SKOR2: variants seen among roughly 807,000 people sequenced by gnomAD.
SKOR2 encodes the protein SKI family transcriptional corepressor 2.
Under a neutral mutation model 69.1 loss-of-function variants are expected in SKOR2, and 47 were observed. That is an observed-to-expected ratio of 0.68 (90% CI 0.54 to 0.87). The LOEUF (loss-of-function observed/expected upper bound fraction) is 0.87, where lower values mean the gene tolerates loss of function less well. Ranked by LOEUF, SKOR2 falls within the 40% of genes least tolerant of loss-of-function variation. SKOR2 has a pLI of 0.00. For synonymous variants in SKOR2, 717 were observed against 672.6 expected (o/e 1.07, Z -1.02); for missense variants, 1,404 against 1,472.2 (o/e 0.95, Z 0.76).
intron 8 of SKOR2, among the ~76,000 whole-genome samples, chr18:47,211,740 G>A (rs571774824): frequency 1.3e-5 from 2 of 152,338 alleles, no homozygotes; most frequent in East Asian, 3.9e-4. Flanking sequence ...ACAGAGATGA[G>A]ACACCCTGAG....
intron 4 of SKOR2, among the ~76,000 whole-genome samples, chr18:47,232,997 G>A (rs2064205899): frequency 6.6e-6 from 1 of 152,088 alleles, no homozygotes; most frequent in Admixed American, 6.6e-5. Flanking sequence ...ATTATCAATG[G>A]CAATTCAAGT....
At chr18:47,231,162 C>A in intron 4 of SKOR2, 162 bp from the exon 5 acceptor site, 1 of 1,536,018 alleles carries the variant, frequency 6.5e-7, no homozygotes, top group Non-Finnish European at 8.7e-7. Flanking sequence ...GCATATAATC[C>A]TCCTGAAACA....
At chr18:47,215,118 T>C (rs1196212590) in intron 7 of SKOR2, among the ~76,000 whole-genome samples, 4 of 152,148 alleles carry the variant, frequency 2.6e-5, no homozygotes, top group African/African-American at 9.7e-5. Context: ...AAGGAACAAC[T>C]GATTGCACTG....
At chr18:47,249,810 C>T (rs1366850748) in intron 1 of SKOR2, among the ~76,000 whole-genome samples, 2 of 152,172 alleles carry the variant, frequency 1.3e-5, no homozygotes, top group African/African-American at 2.4e-5. Context: ...TTCTCCCTCA[C>T]CCTTGCCATT....
chr18:47,230,659 A>G, intron 5 of SKOR2, 102 bp from the exon 6 acceptor site: 1 of 785,628 alleles, frequency 1.3e-6, no homozygotes, highest in Non-Finnish European at 1.8e-6. Flanking sequence ...ATATTTTACC[A>G]GTTTAAAAAG....
At position 47,244,942 on chromosome 18, in the gene SKOR2, A is replaced by T. The variant is rs1194631490; in HGVS notation, c.2718T>A (p.Asp906Glu). 2 of 1,535,930 alleles carry T rather than the reference A, an allele frequency of 1.3e-6. No homozygotes were observed. Among genetic ancestry groups the T allele is most frequent in the Admixed American group, 3.9e-5 (2 of 50,980 alleles). The change falls in exon 4 of 9, where the codon GAT (aspartate) becomes GAA (glutamate). Residue 906 changes from aspartate to glutamate, a missense_variant. This residue lies in a region of SKOR2 where 1,266 missense variants were observed against 1,309.9 expected (regional missense o/e 0.97). Transcript: ENST00000425639. ...CTCTCCAAAAATCTCCTCCAGAAGC[A>T]TCAGAGTCTGTGATGAAAAAGCTAT... The part of the protein sequence containing the change: ...KEHSFFITDS[D>E]ASGGDFWRER...
rs780337813 is a variant in SKOR2 at position 47,246,699 on chromosome 18, G to C, written c.2485C>G (p.Pro829Ala). The change falls in exon 2 of 9, where the codon CCC becomes GCC. Residue 829 changes from proline (P) to alanine (A), a missense_variant. Around this residue, in one of 3 missense-constraint regions of SKOR2, gnomAD observed 1,266 missense variants for 1,309.9 expected, o/e 0.97. Coordinates refer to ENST00000425639, the MANE Select transcript of SKOR2 (RefSeq NM_001278063.4). ...GGGGGCGGGGGCAGGTCCGAGCCGG[G>C]GTCCCCGAGTTTCCCGTCTTCCTGC... ...LLQEDGKLGD[P>A]GSDLPPPPPP... 9 of 1,460,922 alleles carry C rather than the reference G, an allele frequency of 6.2e-6. No individual in the cohort carries two copies. The South Asian group carries it at 8.1e-5, about 13-fold the overall frequency. The allele number at this position is 1,460,922 out of a possible 1,614,324, so 90.5% of individuals were successfully genotyped here. A position where few individuals can be genotyped will look rare whatever the true frequency, so the allele number is the denominator to read the frequency against.
intron 4 of SKOR2, 113 bp from the exon 5 acceptor site, chr18:47,231,113 T>A: frequency 6.5e-7 from 1 of 1,535,834 alleles, no homozygotes; most frequent in African/African-American, 1.4e-5. Flanking sequence ...TAACCTGAAA[T>A]TGGAAGTCCT....
chr18:47,242,054 T>A (rs1029370026), intron 4 of SKOR2, among the ~76,000 whole-genome samples: 1 of 152,194 alleles, frequency 6.6e-6, no homozygotes, highest in Non-Finnish European at 1.5e-5. Flanking sequence ...CTTTTAGCAT[T>A]TATATTTCCA....
chr18:47,227,615 G>T (rs2064183276), intron 6 of SKOR2, among the ~76,000 whole-genome samples: 1 of 152,178 alleles, frequency 6.6e-6, no homozygotes, highest in South Asian at 2.1e-4. Flanking sequence ...ACAGGCGTAA[G>T]CCACTGTGCC....
rs73426039 is a variant in SKOR2 at position 47,246,253 on chromosome 18, G to C, written c.2613+318C>G. On this transcript the variant is annotated intron_variant, in intron 2 of 8. Transcript: ENST00000425639. ...GGGGAACAAATGTGCTCAGTTGGAG[G>C]GCAAAGGGGATTGTTGGATTAGAGG... 3.7e-3 allele frequency among the ~76,000 whole-genome samples: 558 copies of C among 152,236 alleles called. 3 individuals carry two copies. The highest frequency in any genetic ancestry group is 0.013 in the African/African-American group (532 of 41,540).
intron 1 of SKOR2, among the ~76,000 whole-genome samples, chr18:47,250,721 A>G (rs1010673696): frequency 1.3e-5 from 2 of 152,144 alleles, no homozygotes; most frequent in South Asian, 2.1e-4. Flanking sequence ...AGGAAGCTTG[A>G]ACAAACCTCG....
intron 1 of SKOR2, among the ~76,000 whole-genome samples, chr18:47,250,378 G>T (rs1425428518): frequency 6.6e-6 from 1 of 152,206 alleles, no homozygotes; most frequent in Non-Finnish European, 1.5e-5. Context: ...GAACAAGGAA[G>T]CGGAAAGAAA....
At position 47,219,953 on chromosome 18, in the gene SKOR2, T is replaced by C; in HGVS notation, c.2975A>G (p.Gln992Arg). The C allele has an allele frequency of 6.5e-7, 1 of 1,536,052 alleles. No homozygotes were observed. Among genetic ancestry groups the C allele is most frequent in the South Asian group, 1.2e-5 (1 of 84,042 alleles). ...ELAYREEMVQ[Q>R]LQIIPYAASL... ...AGAAATGCAGCTTACAATTTGTAAC[T>C]GTTGCACCATTTCTTCTCGGTAGGC... The change falls in exon 7 of 9, where the codon CAG (glutamine) becomes CGG (arginine). Residue 992 changes from glutamine to arginine, a missense_variant. This residue lies in a region of SKOR2 where 1,266 missense variants were observed against 1,309.9 expected (regional missense o/e 0.97). Coordinates refer to ENST00000425639, the MANE Select transcript of SKOR2 (RefSeq NM_001278063.4).
chr18:47,221,798 A>T (rs1320217237), intron 6 of SKOR2, among the ~76,000 whole-genome samples: 1 of 152,180 alleles, frequency 6.6e-6, no homozygotes, highest in African/African-American at 2.4e-5. Flanking sequence ...GAGGGCAGGA[A>T]GATACGTTTA....
chr18:47,249,303 C>T (rs1195525519), intron 1 of SKOR2, 73 bp from the exon 2 acceptor site: 1 of 1,285,066 alleles, frequency 7.8e-7, no homozygotes, highest in African/African-American at 1.5e-5. Flanking sequence ...GAATCGCTAA[C>T]CAAAGAATTA....
intron 3 of SKOR2, among the ~76,000 whole-genome samples, chr18:47,245,196 A>T (rs2064266151): frequency 6.6e-6 from 1 of 152,210 alleles, no homozygotes; most frequent in Admixed American, 6.5e-5. Flanking sequence ...GAATTTTAGC[A>T]TATATTTATG....
At chr18:47,246,457 T>C in intron 2 of SKOR2, 114 bp downstream of exon 2, 1 of 1,304,992 alleles carries the variant, frequency 7.7e-7, no homozygotes. Flanking sequence ...GAATATTTCA[T>C]TTCTGTGGGG....
chr18:47,235,754 T>TG (rs2064219585), intron 4 of SKOR2, among the ~76,000 whole-genome samples: 1 of 122,048 alleles, frequency 8.2e-6, no homozygotes, highest in Admixed American at 1.1e-4. Context: ...GAGGAGGAGA[T>TG]GGACTATATG....
Sources: gnomAD v4.1 joint callset for allele counts (sites outside exome capture counted in the v4.1 genomes callset) on GRCh38, gnomAD v4.1.1 for gene constraint, gnomAD v4.1.1 regional missense constraint, MANE v1.5 for transcripts, NCBI Gene and HGNC (gene_info 2026-07-23, HGNC 2026-07-21) for gene names.